Variants in FAM180B observed in about 807,000 individuals in gnomAD.
FAM180B encodes protein FAM180B.
A neutral mutation model predicts 13.6 loss-of-function variants in FAM180B; 14 were observed. That is an observed-to-expected ratio of 1.03 (90% CI 0.68 to 1.60). FAM180B has a LOEUF of 1.60. Among genes scored for constraint, FAM180B ranks in the 40% most tolerant of loss-of-function variants. The pLI is 0.00. For missense variants in FAM180B, 212 were observed against 230.4 expected (o/e 0.92, Z 0.52); for synonymous variants, 109 against 97.0 (o/e 1.12, Z -0.72).
In FAM180B at chr11:47,586,857, C is replaced by G; in HGVS notation, c.85+4C>G. The G allele has an allele frequency of 6.5e-7, 1 of 1,534,334 alleles. No individual in the cohort carries two copies. On this transcript the variant is annotated splice_donor_region_variant and intron_variant, in intron 1 of 2. Coordinates refer to ENST00000538490, the MANE Select transcript of FAM180B (RefSeq NM_001164379.3). The stretch of plus-strand genomic sequence containing the variant: ...ACTACAACCCAGCCCCATGCAGGTA[C>G]CAGGCTTCAGGGTGGGTGGAGAGGA...
chr11:47,587,656 C>T (rs1301942374), intron 1 of FAM180B, 95 bp from the exon 2 acceptor site: 14 of 801,620 alleles, frequency 1.7e-5, no homozygotes, highest in Admixed American at 3.1e-5. Context: ...ATGAAGCACT[C>T]GGGACCTCTA....
At chr11:47,587,641 G>A (rs1221408664) in intron 1 of FAM180B, 110 bp from the exon 2 acceptor site, 3 of 686,394 alleles carry the variant, frequency 4.4e-6, no homozygotes, top group Non-Finnish European at 7.1e-6. Flanking sequence ...CCCTTTTGTA[G>A]AATGATGAAG....
chr11:47,587,924 TG>T, intron 2 of FAM180B, 103 bp downstream of exon 2: 2 of 1,411,876 alleles, frequency 1.4e-6, no homozygotes, highest in Non-Finnish European at 1.9e-6. Flanking sequence ...TAGGGTTGGG[TG>T]GGGCAAGCCA....
In FAM180B at chr11:47,588,378, C is replaced by CA. The variant is rs1433659834; in HGVS notation, c.497dup (p.Asp167GlyfsTer14). 1.3e-6 allele frequency: 2 copies of CA among 1,526,294 alleles called. No individual in the cohort carries two copies. Among genetic ancestry groups the CA allele is most frequent in the Non-Finnish European group, 1.8e-6 (2 of 1,138,488 alleles). 94.5% of individuals were successfully genotyped at this position (1,526,294 alleles called of 1,614,324 possible). On this transcript the variant is annotated frameshift_variant, in exon 3 of 3. Coordinates refer to ENST00000538490, the MANE Select transcript of FAM180B (RefSeq NM_001164379.3). LOFTEE classifies it high-confidence loss of function. ...GGACCTGTGCAAAGGTTTCTGCCCC[C>CA]AGGACCGGCCCCCTTCCCTGGGGTC...
Position 47,589,030 on chromosome 11 carries a change from C to T in FAM180B, c.*596C>T, listed in dbSNP as rs2097273564. On this transcript the variant is annotated 3_prime_UTR_variant, in exon 3 of 3. Transcript: ENST00000538490. ...GGAGGGAAGCAGGGGGAGGGAGGAA[C>T]ATTATCTCTTTTGGGGTAGGGAGGC... The T allele has an allele frequency of 6.6e-6, 1 of 151,850 alleles. No homozygotes were observed. Among genetic ancestry groups the T allele is most frequent in the Non-Finnish European group, 1.5e-5 (1 of 68,030 alleles). 9.4% of individuals were successfully genotyped at this position (151,850 alleles called of 1,614,324 possible).
At position 47,588,062 on chromosome 11, in the gene FAM180B, G is replaced by A. The variant is rs1302471322; in HGVS notation, c.180G>A (p.Leu60=). 6.5e-7 allele frequency: 1 copy of A among 1,535,476 alleles called. No individual in the cohort carries two copies. Residue 60 remains leucine (L), a synonymous_variant, in exon 3 of 3, where the codon CTG becomes CTA. Coordinates refer to ENST00000538490, the MANE Select transcript of FAM180B (RefSeq NM_001164379.3). Reference sequence around the variant, plus strand: ...AGCTGCTCTGGGCTGGGCTGGAGCTGGATGTCATGGGGCAGCTGCACATCC... The same window carrying A: ...AGCTGCTCTGGGCTGGGCTGGAGCTAGATGTCATGGGGCAGCTGCACATCC... ...MFELLWAGLE[L]DVMGQLHIQD...
Position 47,588,045 on chromosome 11 carries a change from TG to T in FAM180B, c.166del (p.Ala56LeufsTer18), listed in dbSNP as rs1440124840. On this transcript the variant is annotated frameshift_variant, in exon 3 of 3. Coordinates refer to ENST00000538490, the MANE Select transcript of FAM180B (RefSeq NM_001164379.3). LOFTEE classifies it high-confidence loss of function. ...EAPEVMFELL[W>X]AGLELDVMGQ... ...TACATGGCTCCCCTTGCAGCTGCTC[TG>T]GGCTGGGCTGGAGCTGGATGTCATG... The T allele has an allele frequency of 1.2e-5, 18 of 1,531,294 alleles. No homozygotes were observed. In the East Asian group the frequency reaches 4.4e-4, roughly 37 times the overall value. 94.9% of individuals were successfully genotyped at this position (1,531,294 alleles called of 1,614,324 possible). A position where few individuals can be genotyped will look rare whatever the true frequency, so the allele number is the denominator to read the frequency against.
In FAM180B at chr11:47,588,707, AGTGTGTGTGTGAGTGTGTGT is replaced by A. The variant is rs1305168575; in HGVS notation, c.*285_*304del. On this transcript the variant is annotated 3_prime_UTR_variant, in exon 3 of 3. Transcript: ENST00000538490. ...AGAGCTAAGGGCACGACTTGCAGGC[AGTGTGTGTGTGAGTGTGTGT>A]GTGTGTGTGTGTGTGTGTGTGTGTG... 3.7e-4 allele frequency: 133 copies of A among 359,302 alleles called. 2 individuals carry two copies. The highest frequency in any genetic ancestry group is 3.0e-3 in the African/African-American group (120 of 40,230). 22.3% of individuals were successfully genotyped at this position (359,302 alleles called of 1,614,324 possible). A position where few individuals can be genotyped will look rare whatever the true frequency, so the allele number is the denominator to read the frequency against.
At position 47,587,739 on chromosome 11, in the gene FAM180B, C is replaced by G; in HGVS notation, c.86-12C>G. 8.6e-6 allele frequency: 13 copies of G among 1,506,084 alleles called. No homozygotes were observed. Among genetic ancestry groups the G allele is most frequent in the Non-Finnish European group, 1.1e-5 (13 of 1,133,104 alleles). 93.3% of individuals were successfully genotyped at this position (1,506,084 alleles called of 1,614,324 possible). A position where few individuals can be genotyped will look rare whatever the true frequency, so the allele number is the denominator to read the frequency against. ...AGCATGGCAGGGGCCTGACTCCTCT[C>G]TGCTGCCCCAGGGCAGCCCATGGAC... On this transcript the variant is annotated splice_polypyrimidine_tract_variant and intron_variant, in intron 1 of 2. Coordinates refer to ENST00000538490, the MANE Select transcript of FAM180B (RefSeq NM_001164379.3).
chr11:47,587,682 G>A, intron 1 of FAM180B, 69 bp from the exon 2 acceptor site: 1 of 1,127,590 alleles, frequency 8.9e-7, no homozygotes, highest in Non-Finnish European at 1.2e-6. Flanking sequence ...CAGCAGAGGG[G>A]CACTTCTGGG....
chr11:47,586,855 T>C lies in FAM180B; in HGVS notation c.85+2T>C. 6.5e-7 allele frequency: 1 copy of C among 1,535,064 alleles called. No homozygotes were observed. The highest frequency in any genetic ancestry group is 8.7e-7 in the Non-Finnish European group (1 of 1,144,920). ...TGACTACAACCCAGCCCCATGCAGGTACCAGGCTTCAGGGTGGGTGGAGAG... is the reference window on the plus strand; with the variant it reads ...TGACTACAACCCAGCCCCATGCAGGCACCAGGCTTCAGGGTGGGTGGAGAG... On this transcript the variant is annotated splice_donor_variant, in intron 1 of 2. Transcript: ENST00000538490. LOFTEE classifies it high-confidence loss of function.
In FAM180B at chr11:47,586,848, A is replaced by C; in HGVS notation, c.80A>C (p.His27Pro). 6.5e-7 allele frequency: 1 copy of C among 1,536,190 alleles called. No homozygotes were observed. Among genetic ancestry groups the C allele is most frequent in the East Asian group, 2.4e-5 (1 of 40,912 alleles). Reference protein sequence around the residue: ...LLSGVTTTQPHAGQPMDSTSV... With the variant: ...LLSGVTTTQPPAGQPMDSTSV... ...TCTGGTGTGACTACAACCCAGCCCC[A>C]TGCAGGTACCAGGCTTCAGGGTGGG... The change falls in exon 1 of 3, where the codon CAT (histidine) becomes CCT (proline). Residue 27 changes from histidine (H) to proline (P), a missense_variant. Transcript: ENST00000538490.
rs2097272786 is a variant in FAM180B, at chr11:47,588,211, G to A, written c.329G>A (p.Gly110Glu). The A allele has an allele frequency of 6.5e-7, 1 of 1,536,926 alleles. No homozygotes were observed. The highest frequency in any genetic ancestry group is 8.7e-7 in the Non-Finnish European group (1 of 1,146,812). ...WLQQLQDLRK[G>E]PPLSTWDFEH... ...CAGCAGCTCCAGGACCTGCGGAAGG[G>A]GCCTCCTCTTAGCACTTGGGACTTT... Residue 110 changes from glycine to glutamate, a missense_variant, in exon 3 of 3, where the codon GGG (glycine) becomes GAG (glutamate). Gly to Glu is a moderately conservative substitution (Grantham distance 98). Transcript: ENST00000538490.
chr11:47,588,327 G>C lies in FAM180B; in HGVS notation c.445G>C (p.Ala149Pro), dbSNP rs1348969008. ...EERGRWAQVF[A>P]LLAQETLWDL... is the part of the protein sequence containing the mutation. ...ACGGGGCCGCTGGGCCCAGGTCTTC[G>C]CTCTCCTGGCACAGGAAACACTCTG... Residue 149 changes from alanine to proline, a missense_variant, in exon 3 of 3, where the codon GCT (alanine) becomes CCT (proline). Physicochemically the swap from Ala to Pro is conservative, Grantham distance 27 (BLOSUM62 -1). Transcript: ENST00000538490. The C allele has an allele frequency of 1.3e-6, 2 of 1,536,956 alleles. No homozygotes were observed. The highest frequency in any genetic ancestry group is 2.0e-5 in the Admixed American group (1 of 50,952).
Position 47,586,719 on chromosome 11 carries a change from G to C in FAM180B, c.-50G>C. 1 of 1,353,014 alleles carries C rather than the reference G, an allele frequency of 7.4e-7. No homozygotes were observed. Among genetic ancestry groups the C allele is most frequent in the Non-Finnish European group, 1.0e-6 (1 of 978,426 alleles). The allele number at this position is 1,353,014 out of a possible 1,614,324, so 83.8% of individuals were successfully genotyped here. A position where few individuals can be genotyped will look rare whatever the true frequency, so the allele number is the denominator to read the frequency against. The stretch of plus-strand genomic sequence containing the variant: ...GCTGAGGTGTGTGGCAGGCAGATGA[G>C]GGAGCAGAGAACTGCTGAACAGAGT... On this transcript the variant is annotated 5_prime_UTR_variant, in exon 1 of 3. Transcript: ENST00000538490.
chr11:47,588,371 C>G lies in FAM180B; in HGVS notation c.489C>G (p.Phe163Leu). 1 of 1,532,838 alleles carries G rather than the reference C, an allele frequency of 6.5e-7. No homozygotes were observed. The highest frequency in any genetic ancestry group is 8.7e-7 in the Non-Finnish European group (1 of 1,143,568). The allele number at this position is 1,532,838 out of a possible 1,614,324, so 95.0% of individuals were successfully genotyped here. A position where few individuals can be genotyped will look rare whatever the true frequency, so the allele number is the denominator to read the frequency against. ...QETLWDLCKG[F>L]CPQDRPPSLG... ...CACTCTGGGACCTGTGCAAAGGTTT[C>G]TGCCCCCAGGACCGGCCCCCTTCCC... Residue 163 changes from phenylalanine (F) to leucine (L), a missense_variant, in exon 3 of 3, where the codon TTC becomes TTG. Coordinates refer to ENST00000538490, the MANE Select transcript of FAM180B (RefSeq NM_001164379.3).
chr11:47,586,909 AAC>A, intron 1 of FAM180B, 56 bp downstream of exon 1: 1 of 1,207,318 alleles, frequency 8.3e-7, no homozygotes. Flanking sequence ...GACAGCAGTT[AAC>A]AGTTGGCTCT....
rs149775746 is a variant in FAM180B, at chr11:47,588,719, A to AGAGAGT, written c.*286_*287insAGAGTG. ...ACGACTTGCAGGCAGTGTGTGTGTG[A>AGAGAGT]GTGTGTGTGTGTGTGTGTGTGTGTG... On this transcript the variant is annotated 3_prime_UTR_variant, in exon 3 of 3. Transcript: ENST00000538490. 1.5e-4 allele frequency: 33 copies of AGAGAGT among 213,698 alleles called. No homozygotes were observed. The highest frequency in any genetic ancestry group is 1.3e-3 in the East Asian group (12 of 9,410). The allele number at this position is 213,698 out of a possible 1,614,324, so 13.2% of individuals were successfully genotyped here. A position where few individuals can be genotyped will look rare whatever the true frequency, so the allele number is the denominator to read the frequency against.
chr11:47,589,027 G>A lies in FAM180B; in HGVS notation c.*593G>A, dbSNP rs2097273559. On this transcript the variant is annotated 3_prime_UTR_variant, in exon 3 of 3. Transcript: ENST00000538490. ...AGTGGAGGGAAGCAGGGGGAGGGAG[G>A]AACATTATCTCTTTTGGGGTAGGGA... is the stretch of plus-strand genomic sequence containing the variant. 1 of 152,066 alleles carries A rather than the reference G, an allele frequency of 6.6e-6. No individual in the cohort carries two copies. Among genetic ancestry groups the A allele is most frequent in the African/African-American group, 2.4e-5 (1 of 41,326 alleles). The allele number at this position is 152,066 out of a possible 1,614,324, so 9.4% of individuals were successfully genotyped here.
Sources: allele counts gnomAD v4.1 joint callset, GRCh38; gene constraint gnomAD v4.1.1; transcripts MANE v1.5; gene names NCBI Gene and HGNC (gene_info 2026-07-23, HGNC 2026-07-21).